The following KLF8 variants were observed in gnomAD, a reference collection of about 807,000 sequenced individuals.
KLF8 encodes Krueppel-like factor 8.
A neutral mutation model predicts 18.2 loss-of-function variants in KLF8; 10 were observed. The observed-to-expected ratio is 0.55, with a 90% CI of 0.34 to 0.93. The LOEUF is 0.93. Among genes scored for constraint, KLF8 ranks in the 40% least tolerant of loss-of-function variants. KLF8 has a pLI of 0.02. For synonymous variants in KLF8, 109 were observed against 97.3 expected (o/e 1.12, Z -0.71); for missense variants, 264 against 277.9 (o/e 0.95, Z 0.36).
the KLF8 span, among the ~76,000 whole-genome samples, chrX:56,087,828 G>A: frequency 1.8e-5 from 2 of 111,155 alleles, no homozygotes; most frequent in African/African-American, 6.5e-5. Flanking sequence ...TAATCAATTA[G>A]ATTATTTGTT....
At chrX:56,283,493 T>A (rs2067228860) in intron 5 of KLF8, among the ~76,000 whole-genome samples, 1 of 107,034 alleles carries the variant, frequency 9.3e-6, no homozygotes. Flanking sequence ...TGCCTCAGCC[T>A]CCTGGGTAGC....
At chrX:56,179,124 T>G in the KLF8 span, among the ~76,000 whole-genome samples, 1 of 112,255 alleles carries the variant, frequency 8.9e-6, no homozygotes, top group Non-Finnish European at 1.9e-5. Context: ...TAGCGTGGAA[T>G]GTTCTATGTT....
At chrX:55,984,008 G>GAT in the KLF8 span, among the ~76,000 whole-genome samples, 163 of 106,203 alleles carry the variant, frequency 1.5e-3, no homozygotes, top group Middle Eastern at 4.9e-3. Context: ...TATATATAAT[G>GAT]ATATATATAT....
At chrX:55,953,143 A>C in the KLF8 span, among the ~76,000 whole-genome samples, 1 of 111,676 alleles carries the variant, frequency 9.0e-6, no homozygotes, top group Non-Finnish European at 1.9e-5. Flanking sequence ...CAGGTACAGT[A>C]GTGAACAAGA....
At chrX:56,225,126 T>C in the KLF8 span, among the ~76,000 whole-genome samples, 1 of 111,979 alleles carries the variant, frequency 8.9e-6, no homozygotes, top group African/African-American at 3.2e-5. Flanking sequence ...AGGGCACACA[T>C]ATACTTAGAC....
At chrX:56,082,270 ACT>A in the KLF8 span, among the ~76,000 whole-genome samples, 1 of 109,358 alleles carries the variant, frequency 9.1e-6, no homozygotes, top group African/African-American at 3.3e-5. Flanking sequence ...CTTATAAATA[ACT>A]CTTTTTGTTT....
At chrX:56,201,369 A>G in the KLF8 span, among the ~76,000 whole-genome samples, 278 of 112,090 alleles carry the variant, frequency 2.5e-3, 1 homozygote, top group Non-Finnish European at 3.6e-3. Flanking sequence ...AAGAAAGACA[A>G]GCACTATGTG....
At chrX:56,204,617 GT>G in the KLF8 span, among the ~76,000 whole-genome samples, 98 of 109,569 alleles carry the variant, frequency 8.9e-4, no homozygotes, top group East Asian at 0.019. Context: ...TTTCTTTAGG[GT>G]TTTTTTTTAT....
chrX:56,062,449 G>A, the KLF8 span, among the ~76,000 whole-genome samples: 2 of 111,792 alleles, frequency 1.8e-5, no homozygotes, highest in Non-Finnish European at 1.9e-5. Context: ...ATGAAGCTTA[G>A]TTTGGCTGGT....
At chrX:56,007,499 G>T in the KLF8 span, among the ~76,000 whole-genome samples, 1 of 111,300 alleles carries the variant, frequency 9.0e-6, no homozygotes, top group African/African-American at 3.3e-5. Context: ...AACCACTGGG[G>T]ATCTCTTGCT....
chrX:56,047,028 T>C, the KLF8 span, among the ~76,000 whole-genome samples: 1 of 109,833 alleles, frequency 9.1e-6, no homozygotes, highest in Non-Finnish European at 1.9e-5. Context: ...TTTAACATAG[T>C]CCGAAACTTC....
the KLF8 span, among the ~76,000 whole-genome samples, chrX:56,049,278 T>C: frequency 9.0e-6 from 1 of 111,365 alleles, no homozygotes; most frequent in Non-Finnish European, 1.9e-5. Context: ...TGCCTGATTA[T>C]CCTGGCCAGA....
chrX:55,944,288 T>C, the KLF8 span, among the ~76,000 whole-genome samples: 1 of 109,606 alleles, frequency 9.1e-6, no homozygotes, highest in Non-Finnish European at 1.9e-5. Context: ...TGGTCTAAAA[T>C]TCTCTTTTTT....
At chrX:56,102,496 A>G in the KLF8 span, among the ~76,000 whole-genome samples, 15 of 111,362 alleles carry the variant, frequency 1.3e-4, no homozygotes, top group South Asian at 5.6e-3. Context: ...TGTGAAAAAA[A>G]TGATGTTGTT....
At chrX:56,054,665 T>C in the KLF8 span, among the ~76,000 whole-genome samples, 1 of 111,632 alleles carries the variant, frequency 9.0e-6, no homozygotes, top group Non-Finnish European at 1.9e-5. Context: ...CTTGATGATC[T>C]TTCTAATATG....
At chrX:55,992,096 T>C in the KLF8 span, among the ~76,000 whole-genome samples, 352 of 112,755 alleles carry the variant, frequency 3.1e-3, no homozygotes, top group African/African-American at 0.011. Context: ...TTGCAGAAGA[T>C]GTTTAATTAA....
At chrX:56,039,546 C>G in the KLF8 span, among the ~76,000 whole-genome samples, 1 of 111,051 alleles carries the variant, frequency 9.0e-6, no homozygotes, top group Non-Finnish European at 1.9e-5. Flanking sequence ...TTCTGAGTAT[C>G]TATTCTATTC....
chrX:56,041,413 C>G, the KLF8 span, among the ~76,000 whole-genome samples: 1 of 111,259 alleles, frequency 9.0e-6, no homozygotes, highest in Non-Finnish European at 1.9e-5. Flanking sequence ...CCTCGCCCAA[C>G]CCTTTTTATT....
chrX:56,084,377 A>AAAAC, the KLF8 span, among the ~76,000 whole-genome samples: 53 of 111,350 alleles, frequency 4.8e-4, no homozygotes, highest in African/African-American at 6.9e-4. Flanking sequence ...TGAGACCCTG[A>AAAAC]AAACAAACAA....
Sources: allele counts gnomAD v4.1 joint callset (sites outside exome capture counted in the v4.1 genomes callset), GRCh38; gene constraint gnomAD v4.1.1; transcripts MANE v1.5; gene names NCBI Gene and HGNC (gene_info 2026-07-23, HGNC 2026-07-21).